PSMA1: variants seen among roughly 807,000 people sequenced by gnomAD.
The protein encoded by PSMA1 is proteasome subunit alpha type-1.
Under a neutral mutation model 38.4 loss-of-function variants are expected in PSMA1, and 3 were observed. That is an observed-to-expected ratio of 0.08 (90% CI 0.04 to 0.20). The LOEUF (loss-of-function observed/expected upper bound fraction) is 0.20. Among genes scored for constraint, PSMA1 ranks in the 10% least tolerant of loss-of-function variants. PSMA1 has a pLI of 1.00. For missense variants in PSMA1, 227 were observed against 325.3 expected (o/e 0.70, Z 2.32); for synonymous variants, 101 against 107.1 (o/e 0.94, Z 0.35).
chr11:14,522,788 AG>A (rs1455921313), upstream of PSMA1, among the ~76,000 whole-genome samples: 1 of 152,240 alleles, frequency 6.6e-6, no homozygotes, highest in Non-Finnish European at 1.5e-5. Flanking sequence ...TTTTATAGAA[AG>A]GGCCTTTTGG....
chr11:14,577,027 ATTCTC>A (rs1441328940), intron 2 of PSMA1, among the ~76,000 whole-genome samples: 1 of 152,100 alleles, frequency 6.6e-6, no homozygotes, highest in Non-Finnish European at 1.5e-5. Flanking sequence ...TAGGTATTTT[ATTCTC>A]TTTGAAGCAA....
At chr11:14,519,533 T>C (rs1645982770) in intron 1 of PSMA1, among the ~76,000 whole-genome samples, 1 of 152,230 alleles carries the variant, frequency 6.6e-6, no homozygotes, top group Admixed American at 6.5e-5. Flanking sequence ...GTATGACTTA[T>C]TTTTTAATGT....
intron 1 of PSMA1, among the ~76,000 whole-genome samples, chr11:14,612,391 T>C (rs1226696528): frequency 6.6e-6 from 1 of 152,216 alleles, no homozygotes; most frequent in African/African-American, 2.4e-5. Context: ...CTTACTTTCC[T>C]TCAATTGAAA....
At position 14,517,986 on chromosome 11, in the gene PSMA1, A is replaced by AC; in HGVS notation, c.49-6_49-5insG. On this transcript the variant is annotated splice_polypyrimidine_tract_variant and splice_region_variant and intron_variant, in intron 2 of 9. Transcript: ENST00000396394. ...TTCAATTTGATGAATCCTGCCCTAA[A>AC]GAAAAAAAAAACAAAAAACACACAT... 6.4e-7 allele frequency: 1 copy of AC among 1,566,766 alleles called. No homozygotes were observed. Among genetic ancestry groups the AC allele is most frequent in the African/African-American group, 1.4e-5 (1 of 72,182 alleles).
At chr11:14,568,098 C>T (rs1428619125) in intron 2 of PSMA1, among the ~76,000 whole-genome samples, 1 of 152,180 alleles carries the variant, frequency 6.6e-6, no homozygotes, top group East Asian at 1.9e-4. Context: ...CAGCTCATAG[C>T]AAATGCTAGG....
At chr11:14,600,142 A>G (rs186160056) in intron 2 of PSMA1, among the ~76,000 whole-genome samples, 106 of 152,194 alleles carry the variant, frequency 7.0e-4, no homozygotes, top group Non-Finnish European at 9.6e-4. Flanking sequence ...GCAGCCACCT[A>G]TATGAGGTGT....
At chr11:14,631,349 G>C (rs1376697449) in intron 1 of PSMA1, among the ~76,000 whole-genome samples, 1 of 152,028 alleles carries the variant, frequency 6.6e-6, no homozygotes, top group Non-Finnish European at 1.5e-5. Context: ...GTGTCCCAGA[G>C]ATTCTGGTAT....
chr11:14,505,396 C>T (rs1262271318), intron 9 of PSMA1, 148 bp from the exon 10 acceptor site: 2 of 669,814 alleles, frequency 3.0e-6, no homozygotes, highest in Admixed American at 5.0e-5. Context: ...GTCCTGTTAA[C>T]ATTTCTGAGC....
chr11:14,561,717 C>T lies in PSMA1; in HGVS notation c.22-42676G>A, dbSNP rs540620560. Among the ~76,000 whole-genome samples the T allele has an allele frequency of 3.3e-5, 5 of 152,204 alleles. No individual in the cohort carries two copies. In the South Asian group the frequency reaches 8.3e-4, roughly 25 times the overall value. On this transcript the variant is annotated intron_variant, in intron 2 of 10. Coordinates refer to the PSMA1 transcript ENST00000418988. Reference sequence around the variant, plus strand: ...ATCTGCTCAATGTAGCCATGCCCTGCGCTGTTTTTGGGGGCACAGAGGTGG... The same window carrying T: ...ATCTGCTCAATGTAGCCATGCCCTGTGCTGTTTTTGGGGGCACAGAGGTGG...
At chr11:14,619,811 T>G (rs1465977588) in intron 1 of PSMA1, among the ~76,000 whole-genome samples, 1 of 152,200 alleles carries the variant, frequency 6.6e-6, no homozygotes, top group Non-Finnish European at 1.5e-5. Context: ...TGATGAGTAC[T>G]GGGAAAAATT....
intron 1 of PSMA1, among the ~76,000 whole-genome samples, chr11:14,638,541 CTCTCTATATATATATA>C (rs1196011906): frequency 7.1e-3 from 111 of 15,690 alleles, no homozygotes; most frequent in Non-Finnish European, 9.4e-3. Flanking sequence ...CTCTCTCTCT[CTCTCTATATATATATA>C]TATATATATA....
intron 2 of PSMA1, among the ~76,000 whole-genome samples, chr11:14,576,930 T>G (rs573208515): frequency 6.6e-6 from 1 of 152,344 alleles, no homozygotes; most frequent in South Asian, 2.1e-4. Context: ...TGTTCTTCCA[T>G]TTCTTTGTGT....
chr11:14,555,101 A>G (rs753951757), intron 2 of PSMA1, among the ~76,000 whole-genome samples: 5 of 152,256 alleles, frequency 3.3e-5, no homozygotes, highest in Non-Finnish European at 7.3e-5. Context: ...GATGTGGTTC[A>G]CTACGTCACA....
At chr11:14,531,934 A>T (rs1013902807) in intron 2 of PSMA1, among the ~76,000 whole-genome samples, 2 of 152,148 alleles carry the variant, frequency 1.3e-5, no homozygotes, top group African/African-American at 4.8e-5. Flanking sequence ...CTCCCGCTCC[A>T]TGTTGGCCAC....
At chr11:14,518,349 T>G (rs761891630) in intron 2 of PSMA1, among the ~76,000 whole-genome samples, 4 of 152,188 alleles carry the variant, frequency 2.6e-5, no homozygotes, top group Non-Finnish European at 5.9e-5. Flanking sequence ...TCTACCTTCC[T>G]TGGCCTCCCA....
At chr11:14,584,237 G>A (rs34482755) in intron 2 of PSMA1, among the ~76,000 whole-genome samples, 1 of 152,180 alleles carries the variant, frequency 6.6e-6, no homozygotes, top group Non-Finnish European at 1.5e-5. Flanking sequence ...CACTGCCATA[G>A]CTACCTAGAT....
intron 1 of PSMA1, among the ~76,000 whole-genome samples, chr11:14,638,253 T>C (rs975538034): frequency 3.3e-5 from 5 of 152,132 alleles, no homozygotes; most frequent in African/African-American, 1.2e-4. Context: ...GCTGTGCTGC[T>C]GTGCGCAGCT....
chr11:14,609,234 T>C (rs1171204566), intron 2 of PSMA1, among the ~76,000 whole-genome samples: 1 of 152,194 alleles, frequency 6.6e-6, no homozygotes, highest in East Asian at 1.9e-4. Flanking sequence ...TCACATCACT[T>C]GGTGAGTCCA....
chr11:14,582,908 C>G (rs978548629), intron 2 of PSMA1, among the ~76,000 whole-genome samples: 2 of 152,196 alleles, frequency 1.3e-5, no homozygotes, highest in Non-Finnish European at 2.9e-5. Context: ...TCTGCTCAGT[C>G]CACCACATCT....
Sources: gnomAD v4.1 joint callset for allele counts (sites outside exome capture counted in the v4.1 genomes callset) on GRCh38, gnomAD v4.1.1 for gene constraint, MANE v1.5 for transcripts, NCBI Gene and HGNC (gene_info 2026-07-23, HGNC 2026-07-21) for gene names.